Variants in TCF12 observed in about 807,000 individuals in gnomAD.
TCF12 encodes the protein DNA-binding protein HTF4.
A neutral mutation model predicts 86.0 loss-of-function variants in TCF12; 45 were observed. The observed-to-expected ratio is 0.52, with a 90% CI of 0.41 to 0.67. TCF12 has a LOEUF of 0.67. Among genes scored for constraint, TCF12 ranks in the 30% least tolerant of loss-of-function variants. The pLI is 0.00. For missense variants in TCF12, 881 were observed against 859.9 expected (o/e 1.02, Z -0.31); for synonymous variants, 330 against 299.6 (o/e 1.10, Z -1.05).
chr15:57,106,598 G>A (rs2050148344), intron 5 of TCF12, among the ~76,000 whole-genome samples: 1 of 152,158 alleles, frequency 6.6e-6, no homozygotes, highest in Non-Finnish European at 1.5e-5. Context: ...ATTGCCATGT[G>A]CATGTAAATT....
intron 3 of TCF12, among the ~76,000 whole-genome samples, chr15:56,982,307 A>G (rs1052005267): frequency 5.3e-5 from 8 of 152,328 alleles, no homozygotes; most frequent in East Asian, 3.9e-4. Flanking sequence ...ATTTTAGACA[A>G]TCACATTTTA....
rs373541357 is a variant in TCF12, at chr15:57,186,519, G to A, written c.391-5639G>A. 3.7e-4 allele frequency among the ~76,000 whole-genome samples: 57 copies of A among 152,070 alleles called. No individual in the cohort carries two copies. In the East Asian group the frequency reaches 9.1e-3, roughly 24 times the overall value. ...CTCGAAGAAAAAAAGAAAAGTCCAG[G>A]ACCAAACAGCTTCACTAGTGAATTC... is the stretch of plus-strand genomic sequence containing the variant. On this transcript the variant is annotated intron_variant, in intron 6 of 20. Coordinates refer to ENST00000333725, the MANE Select transcript of TCF12 (RefSeq NM_207037.2).
intron 3 of TCF12, among the ~76,000 whole-genome samples, chr15:57,030,004 T>G (rs1291507331): frequency 6.6e-6 from 1 of 152,190 alleles, no homozygotes; most frequent in East Asian, 1.9e-4. Context: ...TTTTATAGTT[T>G]TTGGAGATAA....
intron 5 of TCF12, among the ~76,000 whole-genome samples, chr15:57,151,281 C>T (rs2053739546): frequency 6.6e-6 from 1 of 151,360 alleles, no homozygotes; most frequent in Non-Finnish European, 1.5e-5. Context: ...ACACCCAGCC[C>T]CCTAAATGTC....
chr15:57,107,033 T>A (rs1280145842), intron 5 of TCF12, among the ~76,000 whole-genome samples: 1 of 152,208 alleles, frequency 6.6e-6, no homozygotes, highest in Non-Finnish European at 1.5e-5. Flanking sequence ...CAAAACATGC[T>A]CTTACCATGC....
chr15:57,262,431 G>T (rs2060632319), intron 17 of TCF12, among the ~76,000 whole-genome samples: 1 of 152,118 alleles, frequency 6.6e-6, no homozygotes. Flanking sequence ...CCATTGTTCA[G>T]TATTTACCAG....
At chr15:57,252,630 T>C (rs1269345745) in intron 15 of TCF12, 138 bp downstream of exon 15, 8 of 687,472 alleles carry the variant, frequency 1.2e-5, no homozygotes, top group South Asian at 6.1e-5. Flanking sequence ...TATCACAGTA[T>C]ATAGGAATAA....
chr15:57,249,411 A>G (rs2060005191), intron 13 of TCF12, among the ~76,000 whole-genome samples: 1 of 73,500 alleles, frequency 1.4e-5, no homozygotes, highest in Non-Finnish European at 3.3e-5. Flanking sequence ...ATTTGCTCAT[A>G]AGTAAAAAAA....
At chr15:57,087,672 A>C (rs2048739432) in intron 4 of TCF12, among the ~76,000 whole-genome samples, 1 of 152,144 alleles carries the variant, frequency 6.6e-6, no homozygotes, top group African/African-American at 2.4e-5. Context: ...AATTTTAGAC[A>C]GATTTTAAGT....
chr15:57,270,971 G>C (rs983737588), intron 18 of TCF12, among the ~76,000 whole-genome samples: 21 of 152,264 alleles, frequency 1.4e-4, no homozygotes, highest in African/African-American at 5.1e-4. Context: ...CCTGTATGAG[G>C]TGTCTGTTGG....
At chr15:56,960,710 G>C (rs1246425382) in intron 3 of TCF12, among the ~76,000 whole-genome samples, 1 of 151,738 alleles carries the variant, frequency 6.6e-6, no homozygotes, top group African/African-American at 2.4e-5. Context: ...GATTACAGGT[G>C]TAAACCACCA....
intron 5 of TCF12, among the ~76,000 whole-genome samples, chr15:57,152,044 G>A (rs1383585306): frequency 6.6e-6 from 1 of 152,160 alleles, no homozygotes; most frequent in Non-Finnish European, 1.5e-5. Flanking sequence ...CCCCAGCCAC[G>A]TGCTAAACAC....
At chr15:57,256,372 C>A (rs1285198431) in intron 16 of TCF12, among the ~76,000 whole-genome samples, 1 of 152,144 alleles carries the variant, frequency 6.6e-6, no homozygotes, top group Admixed American at 6.5e-5. Flanking sequence ...TATATGGAAT[C>A]AACTCTTCAT....
intron 3 of TCF12, among the ~76,000 whole-genome samples, chr15:56,951,798 A>G (rs943072119): frequency 6.6e-6 from 1 of 151,924 alleles, no homozygotes; most frequent in African/African-American, 2.4e-5. Context: ...TACAGGAATG[A>G]GCCTGGCTAA....
intron 3 of TCF12, among the ~76,000 whole-genome samples, chr15:56,984,029 T>G (rs1368546268): frequency 1.6e-5 from 1 of 61,182 alleles, no homozygotes; most frequent in Non-Finnish European, 3.5e-5. Context: ...AGAAGAAGAA[T>G]TTTGGATCAA....
intron 8 of TCF12, among the ~76,000 whole-genome samples, chr15:57,205,727 G>A (rs11629673): frequency 7.2e-5 from 11 of 152,144 alleles, no homozygotes; most frequent in African/African-American, 2.7e-4. Flanking sequence ...ACATTAATAA[G>A]AAGTAGCCAC....
At chr15:57,162,050 C>T (rs1476109941) in intron 5 of TCF12, among the ~76,000 whole-genome samples, 2 of 152,126 alleles carry the variant, frequency 1.3e-5, no homozygotes, top group Non-Finnish European at 2.9e-5. Context: ...CACACTCACA[C>T]CCCCGCAACA....
intron 8 of TCF12, among the ~76,000 whole-genome samples, chr15:57,208,380 CTTTTT>C (rs1184422578): frequency 4.6e-5 from 3 of 65,616 alleles, no homozygotes; most frequent in Admixed American, 2.6e-4. Context: ...CAAAAATATC[CTTTTT>C]TTTTTTTTTT....
rs892679208 is a variant in TCF12, at chr15:57,165,971, G to A, written c.326-431G>A. ...AAATGTCTTTCATTCTTTTAAATGTGTTTTAAAATACTATACGTTGAAAAT... is the reference window on the plus strand; with the variant it reads ...AAATGTCTTTCATTCTTTTAAATGTATTTTAAAATACTATACGTTGAAAAT... On this transcript the variant is annotated intron_variant, in intron 5 of 20. Coordinates refer to ENST00000333725, the MANE Select transcript of TCF12 (RefSeq NM_207037.2). Among the ~76,000 whole-genome samples, 9 of 151,966 alleles carry A rather than the reference G, an allele frequency of 5.9e-5. 1 individual carries two copies. The highest frequency in any genetic ancestry group is 2.1e-4 in the South Asian group (1 of 4,816).
Sources: gnomAD v4.1 joint callset for allele counts (sites outside exome capture counted in the v4.1 genomes callset) on GRCh38, gnomAD v4.1.1 for gene constraint, MANE v1.5 for transcripts, NCBI Gene and HGNC (gene_info 2026-07-23, HGNC 2026-07-21) for gene names.